Variants in ZNF710 observed in about 807,000 individuals in gnomAD.
ZNF710 encodes the protein zinc finger protein 710.
Under a neutral mutation model 50.6 loss-of-function variants are expected in ZNF710, and 13 were observed. That is an observed-to-expected ratio of 0.26 (90% CI 0.17 to 0.41). The LOEUF (loss-of-function observed/expected upper bound fraction) is 0.41, where lower values mean the gene tolerates loss of function less well. Among genes scored for constraint, ZNF710 ranks in the 10% least tolerant of loss-of-function variants. The pLI is 1.00. For synonymous variants in ZNF710, 383 were observed against 397.0 expected (o/e 0.96, Z 0.42); for missense variants, 721 against 936.6 (o/e 0.77, Z 3.01).
At chr15:90,029,250 G>A (rs549224139) in intron 1 of ZNF710, among the ~76,000 whole-genome samples, 10 of 152,192 alleles carry the variant, frequency 6.6e-5, no homozygotes, top group African/African-American at 9.7e-5. Flanking sequence ...GTTTCCCTCA[G>A]CTGGAGAAGG....
At chr15:90,072,930 G>A in intron 2 of ZNF710, 141 bp from the exon 3 acceptor site, 1 of 850,696 alleles carries the variant, frequency 1.2e-6, no homozygotes, top group Non-Finnish European at 1.8e-6. Context: ...ACCTATTTTG[G>A]AATACCCTCA....
intron 1 of ZNF710, among the ~76,000 whole-genome samples, chr15:90,061,260 T>G (rs931717313): frequency 1.2e-4 from 18 of 152,266 alleles, no homozygotes; most frequent in South Asian, 8.3e-4. Context: ...AACCTTCGCC[T>G]CCTGGGCTCA....
At chr15:90,023,730 G>C (rs1898690084) in intron 1 of ZNF710, among the ~76,000 whole-genome samples, 4 of 152,148 alleles carry the variant, frequency 2.6e-5, no homozygotes, top group African/African-American at 9.7e-5. Flanking sequence ...AGGCATGGTG[G>C]CTCACACCTG....
rs1183917384 is a variant in ZNF710, at chr15:90,068,421, C to T, written c.1284C>T (p.Ser428=). The T allele has an allele frequency of 1.2e-5, 19 of 1,613,990 alleles. No homozygotes were observed. The highest frequency in any genetic ancestry group is 1.6e-5 in the Non-Finnish European group (19 of 1,180,018). ...TLTQLKRHLA[S]HQGPTLYQCL... Reference sequence around the variant, plus strand: ...CCCAGCTCAAGCGCCACCTGGCCTCCCACCAGGGCCCCACCCTCTACCAGT... The same window carrying T: ...CCCAGCTCAAGCGCCACCTGGCCTCTCACCAGGGCCCCACCCTCTACCAGT... Residue 428 remains serine (S), a synonymous_variant, in exon 2 of 5, where the codon TCC becomes TCT. Coordinates refer to ENST00000268154, the MANE Select transcript of ZNF710 (RefSeq NM_198526.4). This position sits in a 1 kb window ranked among gnomAD's most constrained non-coding sequence, Gnocchi z 5.0.
chr15:90,056,186 G>T (rs1289191688), intron 1 of ZNF710, among the ~76,000 whole-genome samples: 1 of 151,634 alleles, frequency 6.6e-6, no homozygotes, highest in Non-Finnish European at 1.5e-5. Context: ...GAGGCGGGTG[G>T]ATCACCTGAG....
At chr15:90,030,065 C>T (rs2151483194) in intron 1 of ZNF710, among the ~76,000 whole-genome samples, 1 of 151,912 alleles carries the variant, frequency 6.6e-6, no homozygotes, top group African/African-American at 2.4e-5. Flanking sequence ...CACAGTGGCT[C>T]ACACCTGTAA....
At chr15:90,054,772 A>G (rs983173553) in intron 1 of ZNF710, among the ~76,000 whole-genome samples, 1 of 152,184 alleles carries the variant, frequency 6.6e-6, no homozygotes, top group Non-Finnish European at 1.5e-5. Flanking sequence ...AGGATAGTGT[A>G]CTTGTTTGGG....
chr15:90,026,585 A>C (rs962408344), intron 1 of ZNF710, among the ~76,000 whole-genome samples: 1 of 152,174 alleles, frequency 6.6e-6, no homozygotes, highest in Non-Finnish European at 1.5e-5. Flanking sequence ...CTACAAAGCA[A>C]AATAAGCCTG....
At chr15:90,037,164 GA>G in intron 1 of ZNF710, among the ~76,000 whole-genome samples, 1 of 152,282 alleles carries the variant, frequency 6.6e-6, no homozygotes, top group African/African-American at 2.4e-5. Flanking sequence ...GGAGTTATTC[GA>G]AGGGCTTTTA....
intron 1 of ZNF710, among the ~76,000 whole-genome samples, chr15:90,027,367 A>T (rs557435647): frequency 9.5e-4 from 145 of 151,978 alleles, no homozygotes; most frequent in African/African-American, 3.3e-3. Context: ...TGTGCCACCA[A>T]CCCGGCTAAT....
At chr15:90,063,067 G>C (rs999376931) in intron 1 of ZNF710, among the ~76,000 whole-genome samples, 2 of 152,106 alleles carry the variant, frequency 1.3e-5, no homozygotes, top group African/African-American at 4.8e-5. Context: ...CCCCCAGCCG[G>C]CTGGGGCCCT....
chr15:90,077,565 T>A (rs1900623410), intron 4 of ZNF710, among the ~76,000 whole-genome samples: 1 of 152,106 alleles, frequency 6.6e-6, no homozygotes, highest in Admixed American at 6.5e-5. Flanking sequence ...TTATTTAGCT[T>A]GTTTTTGAAA....
At chr15:90,015,364 C>A (rs989899053) in intron 1 of ZNF710, among the ~76,000 whole-genome samples, 11 of 152,132 alleles carry the variant, frequency 7.2e-5, no homozygotes, top group African/African-American at 2.7e-4. Flanking sequence ...TAAATCAGTA[C>A]AACTTTTATG....
intron 1 of ZNF710, among the ~76,000 whole-genome samples, chr15:90,063,381 G>C (rs1490994424): frequency 6.6e-6 from 1 of 152,014 alleles, no homozygotes; most frequent in Non-Finnish European, 1.5e-5. Context: ...CTGCCCCCCG[G>C]GTTGTTCCTA....
chr15:90,077,682 C>T (rs919993707), intron 4 of ZNF710, among the ~76,000 whole-genome samples: 41 of 152,308 alleles, frequency 2.7e-4, no homozygotes, highest in Middle Eastern at 3.4e-3. Context: ...GGAAGACTCA[C>T]AGTGGGTTAG....
chr15:90,037,410 T>C (rs1203072054), intron 1 of ZNF710, among the ~76,000 whole-genome samples: 3 of 152,146 alleles, frequency 2.0e-5, no homozygotes, highest in African/African-American at 7.2e-5. Flanking sequence ...TCTCCACTGA[T>C]GGGAAGGCTG....
At chr15:90,069,144 C>T (rs760045604) in intron 2 of ZNF710, among the ~76,000 whole-genome samples, 1 of 150,616 alleles carries the variant, frequency 6.6e-6, no homozygotes, top group Non-Finnish European at 1.5e-5. Flanking sequence ...AAGAGAATTG[C>T]TTCAACCCGG....
chr15:90,021,248 C>T (rs1456904980), intron 1 of ZNF710, among the ~76,000 whole-genome samples: 1 of 152,214 alleles, frequency 6.6e-6, no homozygotes, highest in Non-Finnish European at 1.5e-5. Context: ...AAGAGCCCCG[C>T]TGAAGCGGCT....
rs745735912 is a variant in ZNF710 at position 90,067,545 on chromosome 15, A to C, written c.408A>C (p.Ala136=). The change falls in exon 2 of 5, where the codon GCA becomes GCC. Residue 136 remains alanine (A), a synonymous_variant. Transcript: ENST00000268154. The surrounding 1 kb of genome is among the most constrained non-coding windows in gnomAD (Gnocchi z 8.1). The part of the protein sequence containing the change: ...VPGDDKDAGP[A]EAPAEAASGG... ...GTGACGACAAGGACGCAGGGCCAGCAGAAGCCCCCGCCGAGGCGGCCAGTG... is the reference window on the plus strand; with the variant it reads ...GTGACGACAAGGACGCAGGGCCAGCCGAAGCCCCCGCCGAGGCGGCCAGTG... 1 of 1,612,566 alleles carries C rather than the reference A, an allele frequency of 6.2e-7. No individual in the cohort carries two copies. The highest frequency in any genetic ancestry group is 2.2e-5 in the East Asian group (1 of 44,848).
Sources: gnomAD v4.1 joint callset for allele counts (sites outside exome capture counted in the v4.1 genomes callset) on GRCh38, gnomAD v4.1.1 for gene constraint, Gnocchi (gnomAD v3.1) non-coding constraint, MANE v1.5 for transcripts, NCBI Gene and HGNC (gene_info 2026-07-23, HGNC 2026-07-21) for gene names.